GRAMD2B: variants seen among roughly 807,000 people sequenced by gnomAD.
GRAMD2B encodes the protein GRAM domain containing 2B.
GRAMD2B carries 41 observed loss-of-function variants against 59.2 expected under a neutral mutation model. The ratio of observed to expected loss-of-function variants is 0.69; its 90% confidence interval spans 0.54 to 0.90. The LOEUF (loss-of-function observed/expected upper bound fraction) is 0.90, where lower values mean the gene tolerates loss of function less well. Among genes scored for constraint, GRAMD2B ranks in the 40% least tolerant of loss-of-function variants. The probability of loss-of-function intolerance (pLI) is 0.00; values close to 1 mark genes in which losing one functional copy is unlikely to be tolerated. For synonymous variants in GRAMD2B, 161 were observed against 182.7 expected (o/e 0.88, Z 0.96); for missense variants, 424 against 500.5 (o/e 0.85, Z 1.46).
chr5:126,424,709 G>C (rs1388854113), intron 1 of GRAMD2B, among the ~76,000 whole-genome samples: 1 of 152,132 alleles, frequency 6.6e-6, no homozygotes, highest in African/African-American at 2.4e-5. Context: ...TCATCACCTA[G>C]AGCCTTAGCC....
chr5:126,452,686 AAGTC>A (rs1765584103), intron 1 of GRAMD2B, among the ~76,000 whole-genome samples: 2 of 152,072 alleles, frequency 1.3e-5, no homozygotes, highest in Non-Finnish European at 2.9e-5. Context: ...CCTGATATAT[AAGTC>A]AGTTCTTTCC....
intron 10 of GRAMD2B, 33 bp from the exon 11 acceptor site, chr5:126,485,653 T>C (rs1266696964): frequency 2.1e-5 from 29 of 1,389,924 alleles, no homozygotes; most frequent in Non-Finnish European, 2.9e-5. Context: ...TGTTATGGTT[T>C]TAAACAGTTG....
At chr5:126,487,126 G>A (rs750903637) in intron 12 of GRAMD2B, 149 bp downstream of exon 12, 12 of 589,060 alleles carry the variant, frequency 2.0e-5, no homozygotes, top group African/African-American at 7.4e-5. Flanking sequence ...AAGTAAAAAG[G>A]TAGGAGGGTC....
chr5:126,396,646 C>T (rs1487623340), intron 1 of GRAMD2B, among the ~76,000 whole-genome samples: 1 of 152,104 alleles, frequency 6.6e-6, no homozygotes, highest in Non-Finnish European at 1.5e-5. Context: ...CATACATGTG[C>T]ATGTATCTTT....
At chr5:126,479,800 AAAAAAGT>A (rs1429699755) in intron 6 of GRAMD2B, among the ~76,000 whole-genome samples, 2 of 152,258 alleles carry the variant, frequency 1.3e-5, no homozygotes, top group Admixed American at 6.5e-5. Flanking sequence ...AATAGATGGA[AAAAAAGT>A]AAATTTTTAT....
intron 1 of GRAMD2B, among the ~76,000 whole-genome samples, chr5:126,448,802 A>G (rs553835549): frequency 3.6e-4 from 55 of 152,348 alleles, no homozygotes; most frequent in African/African-American, 1.3e-3. Context: ...TCAGTCACTA[A>G]GATTGGAGTT....
chr5:126,402,390 G>T (rs1019613965), intron 1 of GRAMD2B, among the ~76,000 whole-genome samples: 2 of 152,012 alleles, frequency 1.3e-5, no homozygotes, highest in Admixed American at 1.3e-4. Flanking sequence ...GGCTAACCTA[G>T]GAAGGAAATA....
intron 1 of GRAMD2B, among the ~76,000 whole-genome samples, chr5:126,365,000 A>C (rs1754376579): frequency 6.6e-6 from 1 of 152,218 alleles, no homozygotes; most frequent in South Asian, 2.1e-4. Flanking sequence ...TGAATATTGG[A>C]TATACTTTCA....
chr5:126,426,684 C>G (rs1212592940), intron 1 of GRAMD2B, among the ~76,000 whole-genome samples: 1 of 152,162 alleles, frequency 6.6e-6, no homozygotes, highest in Non-Finnish European at 1.5e-5. Flanking sequence ...AGACCCCAGA[C>G]CCAGTAGTTA....
At chr5:126,399,758 AC>A (rs1247538770) in intron 1 of GRAMD2B, among the ~76,000 whole-genome samples, 1 of 152,136 alleles carries the variant, frequency 6.6e-6, no homozygotes, top group Non-Finnish European at 1.5e-5. Context: ...AGACAGTTTT[AC>A]ATTTAAAATC....
In GRAMD2B at chr5:126,423,439, G is replaced by A. The variant is rs570099986; in HGVS notation, c.-168G>A. ...CGCCCGCTCCGACGTGTCCAGGTCC[G>A]CGGCCCCGGGAGCTTGGCGCGGCCC... On this transcript the variant is annotated 5_prime_UTR_variant, in exon 1 of 14. Coordinates refer to ENST00000285689, the MANE Select transcript of GRAMD2B (RefSeq NM_023927.4). 15 of 1,406,216 alleles carry A rather than the reference G, an allele frequency of 1.1e-5. No individual in the cohort carries two copies. The highest frequency in any genetic ancestry group is 1.4e-5 in the Non-Finnish European group (15 of 1,086,078). The allele number at this position is 1,406,216 out of a possible 1,614,324, so 87.1% of individuals were successfully genotyped here.
At position 126,486,861 on chromosome 5, in the gene GRAMD2B, A is replaced by G. The variant is rs1773041129; in HGVS notation, c.1059-12A>G. The G allele has an allele frequency of 6.4e-7, 1 of 1,552,780 alleles. No homozygotes were observed. The highest frequency in any genetic ancestry group is 8.9e-7 in the Non-Finnish European group (1 of 1,124,860). ...TTAACCTAACGAAAGTTTCTCTTTC[A>G]TCCGTTTCCAGTGTCTGTGCACTAA... is the stretch of plus-strand genomic sequence containing the variant. On this transcript the variant is annotated splice_polypyrimidine_tract_variant and intron_variant, in intron 11 of 13. Transcript: ENST00000285689.
At chr5:126,460,308 G>T (rs887855236) in intron 1 of GRAMD2B, among the ~76,000 whole-genome samples, 2 of 152,086 alleles carry the variant, frequency 1.3e-5, no homozygotes, top group African/African-American at 4.8e-5. Flanking sequence ...AAGAAAATTT[G>T]TTTTTCCATT....
At chr5:126,468,684 C>T (rs757160568) in intron 2 of GRAMD2B, among the ~76,000 whole-genome samples, 3 of 151,968 alleles carry the variant, frequency 2.0e-5, no homozygotes, top group Non-Finnish European at 2.9e-5. Flanking sequence ...GATGGGATTT[C>T]GCTATGTTGG....
intron 1 of GRAMD2B, among the ~76,000 whole-genome samples, chr5:126,440,048 C>T (rs764689963): frequency 2.6e-5 from 4 of 151,976 alleles, no homozygotes; most frequent in Admixed American, 6.5e-5. Flanking sequence ...ACCCAGTCTC[C>T]GGTGTTTCTT....
At chr5:126,488,993 C>A in intron 13 of GRAMD2B, 101 bp downstream of exon 13, 1 of 669,562 alleles carries the variant, frequency 1.5e-6, no homozygotes, top group South Asian at 2.2e-5. Context: ...GTTAGTGTGC[C>A]GCAATAAACC....
chr5:126,394,349 T>C (rs1409813811), intron 1 of GRAMD2B, among the ~76,000 whole-genome samples: 2 of 151,824 alleles, frequency 1.3e-5, no homozygotes, highest in African/African-American at 2.4e-5. Context: ...GTGGAGAAAG[T>C]AGGGCATGAG....
chr5:126,411,560 T>G (rs528693693), intron 1 of GRAMD2B, among the ~76,000 whole-genome samples: 2 of 152,242 alleles, frequency 1.3e-5, no homozygotes, highest in East Asian at 3.9e-4. Flanking sequence ...TTGTTCTTTT[T>G]GCTCACAATT....
At chr5:126,409,198 C>T (rs373941185) in intron 1 of GRAMD2B, among the ~76,000 whole-genome samples, 4 of 152,076 alleles carry the variant, frequency 2.6e-5, no homozygotes, top group East Asian at 1.9e-4. Context: ...TTTGGGTATA[C>T]ACCCAGTAAT....
Sources: gnomAD v4.1 joint callset for allele counts (sites outside exome capture counted in the v4.1 genomes callset) on GRCh38, gnomAD v4.1.1 for gene constraint, MANE v1.5 for transcripts, NCBI Gene and HGNC (gene_info 2026-07-23, HGNC 2026-07-21) for gene names.